The following CRACD variants were observed in gnomAD, a reference collection of about 807,000 sequenced individuals.
The protein encoded by CRACD is capping protein-inhibiting regulator of actin dynamics.
CRACD carries 56 observed loss-of-function variants against 106.8 expected under a neutral mutation model. The ratio of observed to expected loss-of-function variants is 0.52; its 90% confidence interval spans 0.42 to 0.66. CRACD has a LOEUF of 0.66. Ranked by LOEUF, CRACD falls within the 30% of genes least tolerant of loss-of-function variation. The probability of loss-of-function intolerance (pLI) is 0.00; values close to 1 mark genes in which losing one functional copy is unlikely to be tolerated. For synonymous variants in CRACD, 754 were observed against 670.8 expected, an observed-to-expected ratio of 1.12 and a Z score of -1.92; for missense variants, 1,730 against 1,623.2, an observed-to-expected ratio of 1.07 and a Z score of -1.13.
chr4:56,217,829 A>G (rs916513715), intron 2 of CRACD, among the ~76,000 whole-genome samples: 1 of 152,194 alleles, frequency 6.6e-6, no homozygotes, highest in Non-Finnish European at 1.5e-5. Context: ...GGAAGGGTTC[A>G]TTCAGTTGGT....
At position 56,112,864 on chromosome 4, in the gene CRACD, T is replaced by G. The variant is rs57697697; in HGVS notation, c.-336+63565T>G. On this transcript the variant is annotated intron_variant, in intron 1 of 10. Coordinates refer to ENST00000682029, the MANE Select transcript of CRACD (RefSeq NM_001393381.1). ...ATGCTTGGAGGGCCCCATGGGCCGC[T>G]AAGGGGTCCTGCTGCATCACATTAT... is the stretch of plus-strand genomic sequence containing the variant. 6.2e-3 allele frequency among the ~76,000 whole-genome samples: 948 copies of G among 152,254 alleles called. 17 individuals are homozygous for G. In the East Asian group the frequency reaches 0.064, roughly 10 times the overall value.
intron 2 of CRACD, among the ~76,000 whole-genome samples, chr4:56,197,854 T>A (rs915241361): frequency 1.6e-4 from 25 of 152,276 alleles, no homozygotes; most frequent in African/African-American, 5.1e-4. Flanking sequence ...ATTTTTTGTA[T>A]TTTTAGTAGA....
intron 2 of CRACD, among the ~76,000 whole-genome samples, chr4:56,235,446 A>C (rs1228979330): frequency 1.3e-5 from 2 of 152,224 alleles, no homozygotes; most frequent in Non-Finnish European, 2.9e-5. Flanking sequence ...AGAGTCATTA[A>C]ATACCAGCTC....
chr4:56,189,029 C>G (rs192589090), intron 2 of CRACD, among the ~76,000 whole-genome samples: 1 of 152,210 alleles, frequency 6.6e-6, no homozygotes, highest in African/African-American at 2.4e-5. Flanking sequence ...ACTAAAAATA[C>G]AAAAATTAGC....
chr4:56,261,972 A>G (rs893760408), intron 2 of CRACD, among the ~76,000 whole-genome samples: 2 of 152,212 alleles, frequency 1.3e-5, no homozygotes, highest in Non-Finnish European at 2.9e-5. Flanking sequence ...CACAGGGATT[A>G]TGGGGAAATG....
At chr4:56,090,965 A>G (rs1733407012) in intron 1 of CRACD, among the ~76,000 whole-genome samples, 1 of 152,192 alleles carries the variant, frequency 6.6e-6, no homozygotes, top group African/African-American at 2.4e-5. Flanking sequence ...CAGAATCTTT[A>G]CAATAAATTT....
At chr4:56,309,242 T>A (rs932519456) in intron 5 of CRACD, 1 of 271,010 alleles carries the variant, frequency 3.7e-6, no homozygotes, top group Admixed American at 3.9e-5. Context: ...TAAATTCTAT[T>A]TGGAAGATAA....
intron 2 of CRACD, among the ~76,000 whole-genome samples, chr4:56,199,798 C>G (rs979477247): frequency 6.6e-6 from 1 of 151,790 alleles, no homozygotes. Flanking sequence ...AAGAACTTGT[C>G]AAGTTTCCTT....
intron 2 of CRACD, among the ~76,000 whole-genome samples, chr4:56,226,691 G>T (rs960641247): frequency 2.0e-5 from 3 of 152,016 alleles, no homozygotes; most frequent in Non-Finnish European, 2.9e-5. Flanking sequence ...CATGGTAGGG[G>T]GTGAATCCCT....
At chr4:56,189,619 A>G (rs1261966981) in intron 2 of CRACD, among the ~76,000 whole-genome samples, 4 of 133,832 alleles carry the variant, frequency 3.0e-5, no homozygotes, top group East Asian at 2.3e-4. Flanking sequence ...TCATTGTTCA[A>G]TTCCCACCTA....
chr4:56,310,531 C>A lies in CRACD; in HGVS notation c.286-135C>A, dbSNP rs78882343. On this transcript the variant is annotated intron_variant, in intron 5 of 10. Coordinates refer to ENST00000682029, the MANE Select transcript of CRACD (RefSeq NM_001393381.1). Reference sequence around the variant, plus strand: ...ATTAGCATAGTCTCCACTGGGACACCTGCTGGCTCTCTGAGGCCAGCTGCA... The same window carrying A: ...ATTAGCATAGTCTCCACTGGGACACATGCTGGCTCTCTGAGGCCAGCTGCA... The A allele has an allele frequency of 9.9e-4, 652 of 655,980 alleles. 6 individuals are homozygous for A. The African/African-American group carries it at 0.011, about 11-fold the overall frequency. The allele number at this position is 655,980 out of a possible 1,614,324, so 40.6% of individuals were successfully genotyped here. A position where few individuals can be genotyped will look rare whatever the true frequency, so the allele number is the denominator to read the frequency against.
rs1021136705 is a variant in CRACD at position 56,240,388 on chromosome 4, T to C, written c.-188-31933T>C. Among the ~76,000 whole-genome samples the C allele has an allele frequency of 4.6e-5, 7 of 152,222 alleles. No homozygotes were observed. In the East Asian group the frequency reaches 1.3e-3, roughly 29 times the overall value. On this transcript the variant is annotated intron_variant, in intron 2 of 10. Coordinates refer to ENST00000682029, the MANE Select transcript of CRACD (RefSeq NM_001393381.1). Reference sequence around the variant, plus strand: ...AATTACACAAAACTCATCAACGCTGTTTTCTGTATTGTACATTTTTTCCTG... The same window carrying C: ...AATTACACAAAACTCATCAACGCTGCTTTCTGTATTGTACATTTTTTCCTG...
chr4:56,267,144 G>A (rs945463606), intron 2 of CRACD, among the ~76,000 whole-genome samples: 3 of 148,944 alleles, frequency 2.0e-5, no homozygotes, highest in East Asian at 3.9e-4. Context: ...TTTTTGAGAC[G>A]GAGTCTCGCA....
chr4:56,270,975 G>C (rs1410835023), intron 2 of CRACD, among the ~76,000 whole-genome samples: 1 of 151,462 alleles, frequency 6.6e-6, no homozygotes, highest in African/African-American at 2.4e-5. Flanking sequence ...CGTGGTGGCA[G>C]GCGCCTGTGA....
intron 1 of CRACD, among the ~76,000 whole-genome samples, chr4:56,056,748 AAAAATAAAAT>A (rs538320632): frequency 4.6e-5 from 7 of 152,172 alleles, no homozygotes; most frequent in Non-Finnish European, 1.0e-4. Flanking sequence ...AGCCTGTCTC[AAAAATAAAAT>A]AAAATAAAAT....
chr4:56,252,902 C>A (rs573830821), intron 2 of CRACD, among the ~76,000 whole-genome samples: 2 of 152,264 alleles, frequency 1.3e-5, no homozygotes, highest in Admixed American at 1.3e-4. Flanking sequence ...CTGAGCGGTT[C>A]GTGTAATTCC....
intron 1 of CRACD, among the ~76,000 whole-genome samples, chr4:56,070,169 A>T (rs1352247267): frequency 1.3e-5 from 2 of 151,560 alleles, no homozygotes; most frequent in African/African-American, 2.4e-5. Context: ...TTCACCCAGC[A>T]CTCTCAGGTG....
intron 2 of CRACD, among the ~76,000 whole-genome samples, chr4:56,244,244 C>T (rs1740544582): frequency 6.6e-6 from 1 of 152,002 alleles, no homozygotes; most frequent in African/African-American, 2.4e-5. Context: ...GGTTCATATG[C>T]TGGCAATGAT....
chr4:56,187,363 G>C (rs564176990), intron 2 of CRACD, among the ~76,000 whole-genome samples: 6 of 152,086 alleles, frequency 3.9e-5, no homozygotes, highest in Non-Finnish European at 8.8e-5. Context: ...AGACACTCGA[G>C]GGGGGCACAC....
Sources: allele counts gnomAD v4.1 joint callset (sites outside exome capture counted in the v4.1 genomes callset), GRCh38; gene constraint gnomAD v4.1.1; transcripts MANE v1.5; gene names NCBI Gene and HGNC (gene_info 2026-07-23, HGNC 2026-07-21).